Variants in ABL2 observed in about 807,000 individuals in gnomAD.
ABL2 encodes the protein ABL proto-oncogene 2, non-receptor tyrosine kinase.
In ABL2, 49 loss-of-function variants were observed where a neutral mutation model predicts 107.7. The observed-to-expected ratio is 0.45, with a 90% CI of 0.36 to 0.58. The LOEUF is 0.58. Among genes scored for constraint, ABL2 ranks in the 20% least tolerant of loss-of-function variants. The pLI is 0.00. For synonymous variants in ABL2, 549 were observed against 548.6 expected (o/e 1.00, Z -0.01); for missense variants, 1,245 against 1,457.0 (o/e 0.85, Z 2.37).
intron 1 of ABL2, among the ~76,000 whole-genome samples, chr1:179,137,606 T>C (rs1657157033): frequency 6.6e-6 from 1 of 152,118 alleles, no homozygotes; most frequent in South Asian, 2.1e-4. Context: ...ACAACCAAGT[T>C]AGAAATAGTA....
At chr1:179,110,567 A>C (rs897708798) in intron 10 of ABL2, 112 bp from the exon 11 acceptor site, 1 of 1,508,886 alleles carries the variant, frequency 6.6e-7, no homozygotes, top group Non-Finnish European at 8.8e-7. Context: ...GAGTACTAAA[A>C]TACATACACG....
intron 9 of ABL2, among the ~76,000 whole-genome samples, chr1:179,113,850 C>A (rs1283435366): frequency 6.6e-6 from 1 of 151,966 alleles, no homozygotes. Context: ...AGGAGAATGG[C>A]ATCAACCCGA....
chr1:179,197,120 C>T (rs1661361097), intron 1 of ABL2, among the ~76,000 whole-genome samples: 1 of 152,032 alleles, frequency 6.6e-6, no homozygotes, highest in African/African-American at 2.4e-5. Context: ...AAAATGAGAA[C>T]GAGGCAATAT....
At chr1:179,119,122 A>G (rs552134927) in intron 6 of ABL2, among the ~76,000 whole-genome samples, 1 of 152,284 alleles carries the variant, frequency 6.6e-6, no homozygotes, top group Admixed American at 6.5e-5. Flanking sequence ...TACTTATTCA[A>G]AAGTAATAGC....
Position 179,110,293 on chromosome 1 carries a change from C to T in ABL2, c.1814G>A (p.Ser605Asn). ...TAAGGGACCCATACCTGGTGCTAAA[C>T]TGGAAGCAGAATTTTCTGTGGCATC... The part of the protein sequence containing the change: ...AQDATENSAS[S>N]LAPGFIRGAQ... The change falls in exon 11 of 12, where the codon AGT (serine) becomes AAT (asparagine). Residue 605 changes from serine (S) to asparagine (N), a missense_variant. Transcript: ENST00000502732. 6.2e-7 allele frequency: 1 copy of T among 1,614,220 alleles called. No individual in the cohort carries two copies. Among genetic ancestry groups the T allele is most frequent in the Non-Finnish European group, 8.5e-7 (1 of 1,180,032 alleles).
At position 179,208,450 on chromosome 1, in the gene ABL2, G is replaced by A. The variant is rs1662097959; in HGVS notation, c.157+20791C>T. Among the ~76,000 whole-genome samples the A allele has an allele frequency of 2.0e-5, 3 of 152,160 alleles. No individual in the cohort carries two copies. The South Asian group carries it at 6.2e-4, about 31-fold the overall frequency. ...AATTCACTTAGGATAATGGCCTTCA[G>A]CTGCATCCATGTTGCTGCAAAGGAC... On this transcript the variant is annotated intron_variant, in intron 1 of 11. Transcript: ENST00000502732.
At chr1:179,167,824 T>C (rs1300386201) in intron 1 of ABL2, among the ~76,000 whole-genome samples, 1 of 152,054 alleles carries the variant, frequency 6.6e-6, no homozygotes, top group Non-Finnish European at 1.5e-5. Flanking sequence ...TACTAAAAAA[T>C]ACAAAACTCT....
At chr1:179,176,534 C>A (rs1330307970) in intron 1 of ABL2, among the ~76,000 whole-genome samples, 2 of 151,976 alleles carry the variant, frequency 1.3e-5, no homozygotes, top group African/African-American at 4.8e-5. Context: ...TCAATCACTC[C>A]TTTTTAACTA....
At position 179,104,554 on chromosome 1, in the gene ABL2, T is replaced by TA. The variant is rs557447009; in HGVS notation, c.*3163_*3164insT. 5.7e-4 allele frequency: 119 copies of TA among 208,656 alleles called. No individual in the cohort carries two copies. The highest frequency in any genetic ancestry group is 7.3e-4 in the Non-Finnish European group (75 of 102,472). The allele number at this position is 208,656 out of a possible 1,614,324, so 12.9% of individuals were successfully genotyped here. A position where few individuals can be genotyped will look rare whatever the true frequency, so the allele number is the denominator to read the frequency against. On this transcript the variant is annotated 3_prime_UTR_variant, in exon 12 of 12. Transcript: ENST00000502732. ...TCATCTAGAAAAACACTGAATGAAT[T>TA]TCTTAGGGCCAAATTTTTTAAGGCT...
At chr1:179,229,134 C>G (rs1306594394) in intron 1 of ABL2, 107 bp downstream of exon 1, 20 of 1,351,050 alleles carry the variant, frequency 1.5e-5, no homozygotes, top group Non-Finnish European at 1.8e-5. Context: ...CACTCTCAGG[C>G]ACCTTCCACC....
intron 1 of ABL2, among the ~76,000 whole-genome samples, chr1:179,188,405 G>A (rs1251257188): frequency 1.3e-5 from 2 of 152,040 alleles, no homozygotes; most frequent in African/African-American, 2.4e-5. Context: ...AAAATAGCGG[G>A]ACGTGGTGGC....
At chr1:179,177,511 C>G (rs1660118036) in intron 1 of ABL2, among the ~76,000 whole-genome samples, 1 of 152,184 alleles carries the variant, frequency 6.6e-6, no homozygotes, top group Admixed American at 6.5e-5. Flanking sequence ...CCTTCCTTAT[C>G]CAACAAAACT....
chr1:179,197,556 C>CAA (rs545832945), intron 1 of ABL2, among the ~76,000 whole-genome samples: 30 of 75,914 alleles, frequency 4.0e-4, no homozygotes, highest in African/African-American at 5.6e-4. Context: ...CTGCTTGGTT[C>CAA]AAAAAAAAAA....
At chr1:179,208,376 C>A (rs948548228) in intron 1 of ABL2, among the ~76,000 whole-genome samples, 1 of 151,990 alleles carries the variant, frequency 6.6e-6, no homozygotes, top group African/African-American at 2.4e-5. Context: ...ATGCTCAGCT[C>A]CCACTTATAA....
At chr1:179,117,223 G>A (rs1291394930) in intron 8 of ABL2, 109 bp downstream of exon 8, 8 of 1,066,470 alleles carry the variant, frequency 7.5e-6, no homozygotes, top group African/African-American at 4.8e-5. Flanking sequence ...AAGAAGAATG[G>A]CAGGTAAAGG....
chr1:179,134,423 A>G (rs1212206727), intron 1 of ABL2, among the ~76,000 whole-genome samples: 4 of 152,064 alleles, frequency 2.6e-5, no homozygotes, highest in African/African-American at 9.7e-5. Flanking sequence ...GGACTCGGCC[A>G]TGGAGGCTGC....
In ABL2 at chr1:179,120,272, T is replaced by C. The variant is rs759882154; in HGVS notation, c.963A>G (p.Glu321=). ...SLTVAVKTLK[E]DTMEVEEFLK... ...GGAATTCTTCTACCTCCATGGTATC[T>C]TCCTAGAAAAAGGGAAAGGTAAGAA... Residue 321 remains glutamate (E), a splice_region_variant and synonymous_variant, in exon 6 of 12, where the codon GAA becomes GAG. Coordinates refer to ENST00000502732, the MANE Select transcript of ABL2 (RefSeq NM_007314.4). The C allele has an allele frequency of 1.2e-6, 2 of 1,601,650 alleles. No individual in the cohort carries two copies. The highest frequency in any genetic ancestry group is 1.3e-5 in the African/African-American group (1 of 74,332).
At chr1:179,176,197 G>A (rs924446752) in intron 1 of ABL2, among the ~76,000 whole-genome samples, 13 of 149,772 alleles carry the variant, frequency 8.7e-5, no homozygotes, top group Admixed American at 4.0e-4. Context: ...TCACAAGTTC[G>A]TTAGTGAGGG....
chr1:179,178,517 C>A (rs1046001859), intron 1 of ABL2, among the ~76,000 whole-genome samples: 12 of 151,636 alleles, frequency 7.9e-5, no homozygotes, highest in Admixed American at 1.3e-4. Context: ...ACTGTTTCAA[C>A]TAAATGACCT....
Sources: allele counts gnomAD v4.1 joint callset (sites outside exome capture counted in the v4.1 genomes callset), GRCh38; gene constraint gnomAD v4.1.1; transcripts MANE v1.5; gene names NCBI Gene and HGNC (gene_info 2026-07-23, HGNC 2026-07-21).